The following KCNJ6 variants were observed in gnomAD, a reference collection of about 807,000 sequenced individuals.
KCNJ6 encodes the protein potassium inwardly rectifying channel subfamily J member 6, also known as G protein-activated inward rectifier potassium channel 2.
KCNJ6 carries 9 observed loss-of-function variants against 34.2 expected under a neutral mutation model. The observed-to-expected ratio is 0.26, with a 90% CI of 0.16 to 0.46. KCNJ6 has a LOEUF of 0.46. Among genes scored for constraint, KCNJ6 ranks in the 20% least tolerant of loss-of-function variants. The pLI is 1.00. For missense variants in KCNJ6, 236 were observed against 531.3 expected (o/e 0.44, Z 5.46); for synonymous variants, 196 against 207.1 (o/e 0.95, Z 0.46).
At chr21:37,898,214 C>T (rs1380169366) in intron 1 of KCNJ6, among the ~76,000 whole-genome samples, 1 of 152,174 alleles carries the variant, frequency 6.6e-6, no homozygotes, top group African/African-American at 2.4e-5. Flanking sequence ...ATTTGAGTGG[C>T]CATGAAATGG....
At chr21:37,797,610 T>C (rs532338478) in intron 2 of KCNJ6, among the ~76,000 whole-genome samples, 4 of 152,288 alleles carry the variant, frequency 2.6e-5, no homozygotes, top group Admixed American at 6.5e-5. Flanking sequence ...TTTGCATTTT[T>C]TTTTTTCTAA....
intron 3 of KCNJ6, among the ~76,000 whole-genome samples, chr21:37,629,411 C>T (rs1416344369): frequency 6.6e-6 from 1 of 152,124 alleles, no homozygotes. Flanking sequence ...CCCACCCCCA[C>T]ATTCATATGC....
At position 37,651,539 on chromosome 21, in the gene KCNJ6, A is replaced by AT. The variant is rs2054433649; in HGVS notation, c.947-26056dup. 5.3e-5 allele frequency among the ~76,000 whole-genome samples: 8 copies of AT among 152,286 alleles called. No homozygotes were observed. The South Asian group carries it at 1.7e-3, about 32-fold the overall frequency. On this transcript the variant is annotated intron_variant, in intron 3 of 3. Transcript: ENST00000609713. Reference sequence around the variant, plus strand: ...TGATGGCGGGTAGATTGGAGTGGTCATGCAGAGGAAGGGAGTGGAAGGATT... The same window carrying AT: ...TGATGGCGGGTAGATTGGAGTGGTCATTGCAGAGGAAGGGAGTGGAAGGATT...
chr21:37,794,735 G>T (rs911860076), intron 2 of KCNJ6, among the ~76,000 whole-genome samples: 2 of 152,054 alleles, frequency 1.3e-5, no homozygotes, highest in Admixed American at 1.3e-4. Flanking sequence ...CGGGAGTTGG[G>T]GGGCAAGGGG....
intron 2 of KCNJ6, among the ~76,000 whole-genome samples, chr21:37,721,988 G>T (rs1026318160): frequency 2.0e-5 from 3 of 152,176 alleles, no homozygotes; most frequent in Non-Finnish European, 4.4e-5. Context: ...ATCCAAATAG[G>T]AAGAGAAGAA....
At chr21:37,671,703 G>A (rs571723230) in intron 3 of KCNJ6, among the ~76,000 whole-genome samples, 1 of 152,376 alleles carries the variant, frequency 6.6e-6, no homozygotes, top group East Asian at 1.9e-4. Flanking sequence ...GGTAGACAGT[G>A]TCAGAGCTGA....
intron 3 of KCNJ6, among the ~76,000 whole-genome samples, chr21:37,667,601 G>T (rs2054521885): frequency 6.7e-6 from 1 of 150,088 alleles, no homozygotes; most frequent in South Asian, 2.1e-4. Flanking sequence ...CAGGAGCCAG[G>T]GTAGCGGGGT....
intron 2 of KCNJ6, among the ~76,000 whole-genome samples, chr21:37,733,489 G>A (rs957109962): frequency 5.3e-5 from 8 of 152,170 alleles, no homozygotes; most frequent in Non-Finnish European, 1.2e-4. Flanking sequence ...ATAATCACTT[G>A]GTACCTGTTC....
chr21:37,754,829 G>A (rs1437636800), intron 2 of KCNJ6, among the ~76,000 whole-genome samples: 2 of 152,194 alleles, frequency 1.3e-5, no homozygotes, highest in African/African-American at 2.4e-5. Flanking sequence ...AAGATTAGGA[G>A]TGGCTAGTTT....
intron 1 of KCNJ6, among the ~76,000 whole-genome samples, chr21:37,893,097 G>A (rs1007248261): frequency 7.3e-5 from 11 of 151,488 alleles, no homozygotes; most frequent in African/African-American, 1.5e-4. Context: ...CTTGTGATCC[G>A]CCTGCCTTGG....
chr21:37,874,792 C>T (rs1026130651), intron 1 of KCNJ6, among the ~76,000 whole-genome samples: 1 of 152,086 alleles, frequency 6.6e-6, no homozygotes, highest in African/African-American at 2.4e-5. Context: ...AGTTCACATT[C>T]GATCTCTTAG....
intron 2 of KCNJ6, among the ~76,000 whole-genome samples, chr21:37,730,025 G>T (rs1210779482): frequency 6.6e-6 from 1 of 152,198 alleles, no homozygotes; most frequent in Admixed American, 6.5e-5. Flanking sequence ...TAGGCTGTCC[G>T]TTCCTCCTTC....
chr21:37,725,401 T>C (rs1402831346), intron 2 of KCNJ6, among the ~76,000 whole-genome samples: 3 of 152,038 alleles, frequency 2.0e-5, no homozygotes, highest in Non-Finnish European at 4.4e-5. Flanking sequence ...TTAAAAAAAG[T>C]AGCTAGAAAA....
intron 2 of KCNJ6, among the ~76,000 whole-genome samples, chr21:37,818,533 T>A (rs1050011750): frequency 7.2e-5 from 11 of 152,086 alleles, no homozygotes; most frequent in Non-Finnish European, 4.4e-5. Flanking sequence ...ATTTACCACA[T>A]CCCCTCCTCC....
intron 1 of KCNJ6, among the ~76,000 whole-genome samples, chr21:37,868,627 T>C (rs966661205): frequency 2.6e-5 from 4 of 152,286 alleles, no homozygotes; most frequent in Admixed American, 6.5e-5. Context: ...CCATGCATGT[T>C]TACACAAAGG....
chr21:37,824,533 C>T (rs2055389581), intron 2 of KCNJ6, among the ~76,000 whole-genome samples: 1 of 152,088 alleles, frequency 6.6e-6, no homozygotes, highest in Non-Finnish European at 1.5e-5. Context: ...GTCCCCACTC[C>T]AATCTCATCT....
intron 2 of KCNJ6, among the ~76,000 whole-genome samples, chr21:37,719,980 G>T (rs2054815992): frequency 6.6e-6 from 1 of 152,048 alleles, no homozygotes; most frequent in African/African-American, 2.4e-5. Context: ...AGTACTTTGA[G>T]ACTTTTTAAT....
intron 3 of KCNJ6, among the ~76,000 whole-genome samples, chr21:37,696,970 G>A (rs1357476507): frequency 6.6e-6 from 1 of 152,132 alleles, no homozygotes; most frequent in Non-Finnish European, 1.5e-5. Context: ...GCTGTGTTGA[G>A]CTTTTGTAGC....
intron 3 of KCNJ6, among the ~76,000 whole-genome samples, chr21:37,681,312 TA>T (rs1448542569): frequency 6.6e-6 from 1 of 152,238 alleles, no homozygotes; most frequent in African/African-American, 2.4e-5. Context: ...ACTCTCAAAT[TA>T]GGGGAGGAAT....
Sources: allele counts gnomAD v4.1 joint callset (sites outside exome capture counted in the v4.1 genomes callset), GRCh38; gene constraint gnomAD v4.1.1; transcripts MANE v1.5; gene names NCBI Gene and HGNC (gene_info 2026-07-23, HGNC 2026-07-21).